AKAP13: variants seen among roughly 807,000 people sequenced by gnomAD.
AKAP13 encodes the protein A-kinase anchoring protein 13.
AKAP13 carries 80 observed loss-of-function variants against 264.5 expected under a neutral mutation model. The ratio of observed to expected loss-of-function variants is 0.30; its 90% CI spans 0.25 to 0.36. The LOEUF (loss-of-function observed/expected upper bound fraction) is 0.36, where lower values mean the gene tolerates loss of function less well. Ranked by LOEUF, AKAP13 falls within the 10% of genes least tolerant of loss-of-function variation. AKAP13 has a pLI of 1.00. For missense variants in AKAP13, 3,712 were observed against 3,435.2 expected (o/e 1.08, Z -2.01); for synonymous variants, 1,380 against 1,250.2 (o/e 1.10, Z -2.19).
chr15:85,579,421 C>G lies in AKAP13; in HGVS notation c.1353C>G (p.Val451=), dbSNP rs769829493. 1.2e-6 allele frequency: 2 copies of G among 1,614,140 alleles called. No homozygotes were observed. Among genetic ancestry groups the G allele is most frequent in the Admixed American group, 1.7e-5 (1 of 60,022 alleles). Residue 451 remains valine, a synonymous_variant, in exon 7 of 37, where the codon GTC becomes GTG. Transcript: ENST00000394518. ...ATGCTGTGCTTCAGAGAGACTTGGT[C>G]ATGGAGCCAGGCACAGCCCAGTATT... is the stretch of plus-strand genomic sequence containing the variant. ...SGDAVLQRDL[V]MEPGTAQYSS...
rs1015277430 is a variant in AKAP13, at chr15:85,747,406, T to C, written c.*2729T>C. ...GAAGGGGTTGTTTTTTTGGGGTGAC[T>C]CGGACTGAATTCCCCATACTGTTTC... On this transcript the variant is annotated 3_prime_UTR_variant, in exon 37 of 37. Coordinates refer to ENST00000394518, the MANE Select transcript of AKAP13 (RefSeq NM_007200.5). 2.6e-5 allele frequency: 4 copies of C among 152,458 alleles called. No homozygotes were observed. The highest frequency in any genetic ancestry group is 5.9e-5 in the Non-Finnish European group (4 of 68,052). The allele number at this position is 152,458 out of a possible 1,614,324, so 9.4% of individuals were successfully genotyped here. A position where few individuals can be genotyped will look rare whatever the true frequency, so the allele number is the denominator to read the frequency against.
At chr15:85,450,193 G>C (rs967751566) in intron 1 of AKAP13, among the ~76,000 whole-genome samples, 2 of 152,052 alleles carry the variant, frequency 1.3e-5, no homozygotes, top group Admixed American at 6.6e-5. Context: ...AGTTTTTCTA[G>C]TTTGTGTGGG....
intron 1 of AKAP13, among the ~76,000 whole-genome samples, chr15:85,466,300 G>A (rs1385877612): frequency 1.3e-5 from 2 of 151,938 alleles, no homozygotes; most frequent in African/African-American, 2.4e-5. Flanking sequence ...CCATTTTGTA[G>A]GTTGCCTGTT....
intron 3 of AKAP13, among the ~76,000 whole-genome samples, chr15:85,523,382 ACTT>A (rs1476824716): frequency 1.3e-5 from 2 of 151,912 alleles, no homozygotes; most frequent in Non-Finnish European, 2.9e-5. Context: ...CTGGACCTAA[ACTT>A]CTTTAAATCT....
intron 10 of AKAP13, 70 bp from the exon 11 acceptor site, chr15:85,655,343 CTTGA>C: frequency 6.5e-7 from 1 of 1,535,614 alleles, no homozygotes; most frequent in Non-Finnish European, 8.8e-7. Flanking sequence ...AAGCCATTGG[CTTGA>C]TCTAGAATAA....
At chr15:85,691,967 A>G (rs746029387) in intron 16 of AKAP13, 1 of 449,106 alleles carries the variant, frequency 2.2e-6, no homozygotes. Flanking sequence ...GGAGTGAGCT[A>G]CTAAGCCTTG....
At chr15:85,561,862 A>G (rs764303062) in intron 5 of AKAP13, among the ~76,000 whole-genome samples, 28 of 152,202 alleles carry the variant, frequency 1.8e-4, no homozygotes, top group Non-Finnish European at 3.2e-4. Flanking sequence ...ATAGTACGCA[A>G]TGATCTAGAA....
intron 33 of AKAP13, among the ~76,000 whole-genome samples, chr15:85,737,424 G>T (rs1394974994): frequency 6.6e-6 from 1 of 152,064 alleles, no homozygotes; most frequent in Non-Finnish European, 1.5e-5. Context: ...CATGATAATT[G>T]CTTTTTAGAG....
At chr15:85,561,945 C>A (rs189223865) in intron 5 of AKAP13, among the ~76,000 whole-genome samples, 62 of 152,298 alleles carry the variant, frequency 4.1e-4, no homozygotes, top group African/African-American at 1.5e-3. Context: ...TCTGCATTCT[C>A]TGCTACAAAA....
In AKAP13 at chr15:85,719,257, G is replaced by A; in HGVS notation, c.6183G>A (p.Lys2061=). The change falls in exon 23 of 37, where the codon AAG becomes AAA. Residue 2061 remains lysine (K), a synonymous_variant. Transcript: ENST00000394518. ...TCCAGAGGATTCTGGAGCGGAAGAA[G>A]GAGTCTCTGGTGGATAAAAGTGAAA... The part of the protein sequence containing the change: ...QFFQRILERK[K]ESLVDKSEKN... The A allele has an allele frequency of 6.2e-7, 1 of 1,614,178 alleles. No homozygotes were observed. The highest frequency in any genetic ancestry group is 8.5e-7 in the Non-Finnish European group (1 of 1,180,042).
chr15:85,516,602 A>C (rs1453812892), intron 2 of AKAP13, among the ~76,000 whole-genome samples: 1 of 152,122 alleles, frequency 6.6e-6, no homozygotes, highest in Non-Finnish European at 1.5e-5. Flanking sequence ...GATGTCTCTT[A>C]AATGGGCCTG....
intron 35 of AKAP13, among the ~76,000 whole-genome samples, chr15:85,741,712 A>C (rs56302578): frequency 1.9e-4 from 15 of 80,704 alleles, no homozygotes; most frequent in East Asian, 9.5e-4. Flanking sequence ...AAAAAAAAAA[A>C]AAAACAAACA....
Position 85,633,535 on chromosome 15 carries a change from CTTTTTTTTTTTTT to C in AKAP13, c.4162-5825_4162-5813del, listed in dbSNP as rs56687591. Among the ~76,000 whole-genome samples the C allele has an allele frequency of 2.3e-3, 226 of 97,794 alleles. 1 individual carries two copies. Among genetic ancestry groups the C allele is most frequent in the South Asian group, 0.011 (32 of 2,958 alleles). 64.2% of individuals were successfully genotyped at this position (97,794 alleles called of 152,430 possible). ...AAATTCTCTGAATGACTTTTTTTTTCTTTTTTTTTTTTTTTTTTTTTTTTTTGAGACGGAGTCT... is the reference window on the plus strand; with the variant it reads ...AAATTCTCTGAATGACTTTTTTTTTCTTTTTTTTTTTTTGAGACGGAGTCT... On this transcript the variant is annotated intron_variant, in intron 8 of 36. Coordinates refer to ENST00000394518, the MANE Select transcript of AKAP13 (RefSeq NM_007200.5).
At chr15:85,433,834 G>A (rs1453652243) in intron 1 of AKAP13, among the ~76,000 whole-genome samples, 1 of 152,026 alleles carries the variant, frequency 6.6e-6, no homozygotes, top group Non-Finnish European at 1.5e-5. Context: ...CCAGCTACTC[G>A]GGAGGCTGAG....
chr15:85,506,847 G>C (rs2076239930), intron 2 of AKAP13, among the ~76,000 whole-genome samples: 1 of 152,168 alleles, frequency 6.6e-6, no homozygotes, highest in Non-Finnish European at 1.5e-5. Context: ...GCTGATCCTT[G>C]GCACTGCTTT....
intron 10 of AKAP13, among the ~76,000 whole-genome samples, chr15:85,647,717 G>A (rs752514142): frequency 4.6e-5 from 7 of 152,078 alleles, no homozygotes; most frequent in Admixed American, 6.5e-5. Context: ...AGGCTGAGGC[G>A]GGCTGATCAT....
At chr15:85,556,969 G>A (rs1232352406) in intron 5 of AKAP13, among the ~76,000 whole-genome samples, 1 of 152,206 alleles carries the variant, frequency 6.6e-6, no homozygotes, top group East Asian at 1.9e-4. Flanking sequence ...CAATTTTGCT[G>A]TAAACGTCTT....
At chr15:85,420,776 A>G (rs574528731) in intron 1 of AKAP13, among the ~76,000 whole-genome samples, 1 of 152,332 alleles carries the variant, frequency 6.6e-6, no homozygotes, top group African/African-American at 2.4e-5. Flanking sequence ...ATATTTTCTT[A>G]AATGTGGGCT....
At chr15:85,670,845 T>C (rs954409740) in intron 14 of AKAP13, 1 of 152,228 alleles carries the variant, frequency 6.6e-6, no homozygotes, top group Non-Finnish European at 1.5e-5. Flanking sequence ...TTGGAAGTTA[T>C]GTAGAGATGT....
Sources: gnomAD v4.1 joint callset for allele counts (sites outside exome capture counted in the v4.1 genomes callset) on GRCh38, gnomAD v4.1.1 for gene constraint, MANE v1.5 for transcripts, NCBI Gene and HGNC (gene_info 2026-07-23, HGNC 2026-07-21) for gene names.